The following WDR91 variants were observed in gnomAD, a reference collection of about 807,000 sequenced individuals.
WDR91 encodes WD repeat-containing protein 91.
WDR91 carries 52 observed loss-of-function variants against 88.4 expected under a neutral mutation model. The ratio of observed to expected loss-of-function variants is 0.59; its 90% CI spans 0.47 to 0.74. The LOEUF (loss-of-function observed/expected upper bound fraction) is 0.74, where lower values mean the gene tolerates loss of function less well. Ranked by LOEUF, WDR91 falls within the 30% of genes least tolerant of loss-of-function variation. The pLI, the probability that WDR91 is intolerant of heterozygous loss-of-function variation, is 0.00. For missense variants in WDR91, 824 were observed against 954.5 expected (o/e 0.86, Z 1.80); for synonymous variants, 362 against 389.5 (o/e 0.93, Z 0.83).
chr7:135,210,341 CTT>C (rs955821790), intron 1 of WDR91, among the ~76,000 whole-genome samples: 16 of 151,822 alleles, frequency 1.1e-4, no homozygotes, highest in Admixed American at 3.9e-4. Flanking sequence ...CAGAGTGAGA[CTT>C]TCTGTCAAAA....
intron 6 of WDR91, chr7:135,202,400 T>C (rs886835801): frequency 2.6e-5 from 4 of 152,272 alleles, no homozygotes; most frequent in African/African-American, 9.6e-5. Flanking sequence ...GAGATATCTT[T>C]CGTCTTCACT....
intron 8 of WDR91, 109 bp from the exon 9 acceptor site, chr7:135,195,193 A>G: frequency 8.3e-7 from 1 of 1,200,806 alleles, no homozygotes; most frequent in Non-Finnish European, 1.2e-6. Context: ...TTAAAAAAAC[A>G]ATCCCTAGAG....
At position 135,196,115 on chromosome 7, in the gene WDR91, G is replaced by A. The variant is rs370593494; in HGVS notation, c.1244+29C>T. On this transcript the variant is annotated intron_variant, in intron 8 of 14. Coordinates refer to ENST00000354475, the MANE Select transcript of WDR91 (RefSeq NM_014149.4). This position sits in a 1 kb window ranked among gnomAD's most constrained non-coding sequence, Gnocchi z 4.2. ...ACTGCCTGAAAATCTGAGCTTCCCA[G>A]GGTTTCCTTGGCCCCAGGCCCAACC... 130 of 1,471,304 alleles carry A rather than the reference G, an allele frequency of 8.8e-5. No homozygotes were observed. Among genetic ancestry groups the A allele is most frequent in the Non-Finnish European group, 1.0e-4 (116 of 1,105,944 alleles). 91.1% of individuals were successfully genotyped at this position (1,471,304 alleles called of 1,614,324 possible).
At position 135,209,627 on chromosome 7, in the gene WDR91, G is replaced by C; in HGVS notation, c.252C>G (p.Ile84Met). 2 of 1,611,042 alleles carry C rather than the reference G, an allele frequency of 1.2e-6. No homozygotes were observed. The highest frequency in any genetic ancestry group is 2.2e-5 in the South Asian group (2 of 90,612). Residue 84 changes from isoleucine (I) to methionine (M), a missense_variant, in exon 2 of 15, where the codon ATC becomes ATG. Coordinates refer to ENST00000354475, the MANE Select transcript of WDR91 (RefSeq NM_014149.4). ...GAAACAGGCTGGTTTTCAGCTTGTG[G>C]ATTGTGGGTCTGTATATATCCTCCA... ...SRLEDIYRPT[I>M]HKLKTSLFRF...
intron 6 of WDR91, 73 bp from the exon 7 acceptor site, chr7:135,198,224 C>T: frequency 6.5e-7 from 1 of 1,528,900 alleles, no homozygotes; most frequent in Non-Finnish European, 8.8e-7. Flanking sequence ...CAGGAGTGGT[C>T]AGCCCTGGGC....
intron 11 of WDR91, among the ~76,000 whole-genome samples, chr7:135,189,782 T>C (rs1831093247): frequency 6.6e-6 from 1 of 152,352 alleles, no homozygotes; most frequent in South Asian, 2.1e-4. Flanking sequence ...TGAAAAGTCT[T>C]ATGCCCTCAG....
chr7:135,199,431 G>A (rs1304144358), intron 6 of WDR91: 5 of 152,188 alleles, frequency 3.3e-5, no homozygotes, highest in Admixed American at 3.3e-4. Flanking sequence ...GAGGACAAAA[G>A]CCACGGAGAG....
intron 11 of WDR91, 102 bp from the exon 12 acceptor site, chr7:135,189,554 G>T: frequency 1.2e-6 from 1 of 848,558 alleles, no homozygotes; most frequent in Non-Finnish European, 1.9e-6. Context: ...TTTTCCACCA[G>T]CTCCTCCCTT....
chr7:135,211,230 C>G, intron 1 of WDR91, 150 bp downstream of exon 1: 1 of 1,291,628 alleles, frequency 7.7e-7, no homozygotes, highest in Non-Finnish European at 1.0e-6. Flanking sequence ...AGTTCCTCAT[C>G]CGTCAAGCTG....
chr7:135,186,931 C>T, intron 14 of WDR91, 41 bp downstream of exon 14: 1 of 1,610,758 alleles, frequency 6.2e-7, no homozygotes. Flanking sequence ...AACCCCTGCC[C>T]ACCACAATAC....
rs200137538 is a variant in WDR91 at position 135,188,473 on chromosome 7, T to C, written c.1841A>G (p.Tyr614Cys). 5.0e-5 allele frequency: 81 copies of C among 1,614,032 alleles called. No homozygotes were observed. The highest frequency in any genetic ancestry group is 6.5e-5 in the Non-Finnish European group (77 of 1,180,020). Residue 614 changes from tyrosine to cysteine, a missense_variant, in exon 13 of 15, where the codon TAT becomes TGT. Coordinates refer to ENST00000354475, the MANE Select transcript of WDR91 (RefSeq NM_014149.4). Reference sequence around the variant, plus strand: ...GATGCTGTACACGGTGTTCTCATCATAGCTGAACTCCACAGAGTAGACCTC... The same window carrying C: ...GATGCTGTACACGGTGTTCTCATCACAGCTGAACTCCACAGAGTAGACCTC... ...YGEVYSVEFSYDENTVYSIGE... is the reference protein window; with the variant it reads ...YGEVYSVEFSCDENTVYSIGE...
intron 1 of WDR91, 59 bp downstream of exon 1, chr7:135,211,320 AG>A: frequency 1.9e-6 from 3 of 1,555,130 alleles, no homozygotes; most frequent in Non-Finnish European, 2.6e-6. Flanking sequence ...GCTGGGGGGA[AG>A]CCCGCTCCCC....
rs1392793231 is a variant in WDR91 at position 135,184,793 on chromosome 7, G to A, written c.*1358C>T. On this transcript the variant is annotated 3_prime_UTR_variant, in exon 15 of 15. Coordinates refer to ENST00000354475, the MANE Select transcript of WDR91 (RefSeq NM_014149.4). ...CAGGCAGCCATCATCTTTCCACAAA[G>A]ATGTTCAGTTGGAGGAATGAGAGGA... is the stretch of plus-strand genomic sequence containing the variant. 1.3e-5 allele frequency: 2 copies of A among 152,218 alleles called. No individual in the cohort carries two copies. Among genetic ancestry groups the A allele is most frequent in the Non-Finnish European group, 1.5e-5 (1 of 68,058 alleles). 9.4% of individuals were successfully genotyped at this position (152,218 alleles called of 1,614,324 possible).
chr7:135,204,127 A>T, intron 6 of WDR91, 141 bp downstream of exon 6: 2 of 962,048 alleles, frequency 2.1e-6, no homozygotes, highest in Non-Finnish European at 3.0e-6. Context: ...TGAGATTTCA[A>T]TTCAGAATCT....
In WDR91 at chr7:135,208,895, G is replaced by C. The variant is rs755478874; in HGVS notation, c.407C>G (p.Ser136Cys). 7 of 1,614,218 alleles carry C rather than the reference G, an allele frequency of 4.3e-6. No homozygotes were observed. In the South Asian group the frequency reaches 7.7e-5, roughly 18 times the overall value. ...KDWFVLPFLP[S>C]PDTNPTFATY... is the part of the protein sequence containing the mutation. ...AGCAAAGGTGGGGTTGGTGTCCGGG[G>C]ATGGCAGGAAGGGCAGGACAAACCA... Residue 136 changes from serine to cysteine, a missense_variant, in exon 3 of 15, where the codon TCC becomes TGC. Coordinates refer to ENST00000354475, the MANE Select transcript of WDR91 (RefSeq NM_014149.4).
At chr7:135,210,853 T>A (rs1416108627) in intron 1 of WDR91, 4 of 703,616 alleles carry the variant, frequency 5.7e-6, no homozygotes, top group Non-Finnish European at 1.0e-5. Flanking sequence ...AAAATCATTT[T>A]AGAGCAGGGG....
chr7:135,200,267 G>C (rs1424624834), intron 6 of WDR91: 3 of 152,102 alleles, frequency 2.0e-5, no homozygotes, highest in Non-Finnish European at 4.4e-5. Flanking sequence ...TAATTTTTTA[G>C]AAATAAAAGG....
At chr7:135,202,630 A>G (rs941293656) in intron 6 of WDR91, among the ~76,000 whole-genome samples, 1 of 152,230 alleles carries the variant, frequency 6.6e-6, no homozygotes, top group Non-Finnish European at 1.5e-5. Flanking sequence ...TTACTCCCAC[A>G]GAAGCTGTCT....
chr7:135,197,785 A>T, intron 7 of WDR91: 1 of 563,144 alleles, frequency 1.8e-6, no homozygotes, highest in Non-Finnish European at 3.0e-6. Context: ...GCCCCTACTT[A>T]GGGAAATGCT....
Sources: allele counts gnomAD v4.1 joint callset (sites outside exome capture counted in the v4.1 genomes callset), GRCh38; gene constraint gnomAD v4.1.1; non-coding constraint Gnocchi (gnomAD v3.1); transcripts MANE v1.5; gene names NCBI Gene and HGNC (gene_info 2026-07-23, HGNC 2026-07-21).